MAN2A1: variants seen among roughly 807,000 people sequenced by gnomAD.
MAN2A1 encodes the protein mannosidase alpha class 2A member 1, also known as alpha-mannosidase 2.
Under a neutral mutation model 142.6 loss-of-function variants are expected in MAN2A1, and 76 were observed. The observed-to-expected ratio is 0.53, with a 90% CI of 0.44 to 0.65. The LOEUF is 0.65. Ranked by LOEUF, MAN2A1 falls within the 30% of genes least tolerant of loss-of-function variation. The pLI is 0.00. For missense variants in MAN2A1, 1,311 were observed against 1,365.1 expected, an observed-to-expected ratio of 0.96 and a Z score of 0.62; for synonymous variants, 559 against 473.2, an observed-to-expected ratio of 1.18 and a Z score of -2.35.
chr5:109,781,256 T>G (rs1753447814), intron 8 of MAN2A1, 140 bp from the exon 9 acceptor site: 1 of 532,596 alleles, frequency 1.9e-6, no homozygotes, highest in Admixed American at 3.7e-5. Context: ...CTGCTTCTGA[T>G]TTTTATAAAA....
At position 109,817,092 on chromosome 5, in the gene MAN2A1, G is replaced by A. The variant is rs573777303; in HGVS notation, c.1944-181G>A. Among the ~76,000 whole-genome samples the A allele has an allele frequency of 2.6e-5, 4 of 152,266 alleles. No homozygotes were observed. The East Asian group carries it at 7.7e-4, about 29-fold the overall frequency. ...GAGGTGGGAGGATTGCTTGAGCCCA[G>A]GAGGTTGAGACTGCAGTGAGCTATA... On this transcript the variant is annotated intron_variant, in intron 12 of 21. Transcript: ENST00000261483.
At chr5:109,811,134 A>C (rs1754305806) in intron 12 of MAN2A1, among the ~76,000 whole-genome samples, 2 of 151,792 alleles carry the variant, frequency 1.3e-5, no homozygotes, top group African/African-American at 4.8e-5. Flanking sequence ...CACAGATTAT[A>C]TATTTATTTT....
At chr5:109,776,189 T>C (rs1753286811) in intron 8 of MAN2A1, among the ~76,000 whole-genome samples, 1 of 151,928 alleles carries the variant, frequency 6.6e-6, no homozygotes, top group African/African-American at 2.4e-5. Flanking sequence ...GAAAATACTA[T>C]AGAAAGGAAG....
intron 7 of MAN2A1, 87 bp downstream of exon 7, chr5:109,770,628 T>C: frequency 8.5e-7 from 1 of 1,175,688 alleles, no homozygotes. Context: ...CAAATGGGCT[T>C]TATTAGCCAA....
intron 16 of MAN2A1, among the ~76,000 whole-genome samples, chr5:109,830,879 T>C (rs893011413): frequency 3.3e-5 from 5 of 152,202 alleles, no homozygotes; most frequent in Admixed American, 3.3e-4. Context: ...CACATTCTGG[T>C]TACACAGATT....
intron 12 of MAN2A1, among the ~76,000 whole-genome samples, chr5:109,796,702 G>C (rs1308174921): frequency 1.3e-5 from 2 of 152,178 alleles, no homozygotes; most frequent in African/African-American, 2.4e-5. Context: ...CCTTCCCTTT[G>C]TTCAGAATCA....
chr5:109,721,539 T>G (rs992039791), intron 3 of MAN2A1, among the ~76,000 whole-genome samples: 2 of 152,212 alleles, frequency 1.3e-5, no homozygotes. Flanking sequence ...TATCTGAAAT[T>G]CAGATTCAAC....
intron 4 of MAN2A1, among the ~76,000 whole-genome samples, chr5:109,754,139 T>C (rs1338544894): frequency 6.6e-6 from 1 of 152,066 alleles, no homozygotes; most frequent in Non-Finnish European, 1.5e-5. Flanking sequence ...CTAGAATTCC[T>C]TACCTCAAGC....
chr5:109,863,049 A>C (rs1755795102), intron 20 of MAN2A1: 1 of 152,178 alleles, frequency 6.6e-6, no homozygotes, highest in Admixed American at 6.5e-5. Context: ...TCATTATTCC[A>C]AGAGCAAATG....
rs370222340 is a variant in MAN2A1, at chr5:109,726,961, C to T, written c.536-2381C>T. Among the ~76,000 whole-genome samples the T allele has an allele frequency of 3.9e-5, 6 of 152,064 alleles. No individual in the cohort carries two copies. The South Asian group carries it at 8.3e-4, about 21-fold the overall frequency. On this transcript the variant is annotated intron_variant, in intron 3 of 21. Coordinates refer to ENST00000261483, the MANE Select transcript of MAN2A1 (RefSeq NM_002372.4). ...ATAGAACCATTTCATTTACATGGTC[C>T]TTGTTGCACGTGTATAATAAAAGCA...
In MAN2A1 at chr5:109,770,283, A is replaced by G. The variant is rs1753108553; in HGVS notation, c.1010-72A>G. The G allele has an allele frequency of 1.4e-5, 19 of 1,380,778 alleles. No homozygotes were observed. In the South Asian group the frequency reaches 2.1e-4, roughly 16 times the overall value. The allele number at this position is 1,380,778 out of a possible 1,614,324, so 85.5% of individuals were successfully genotyped here. A position where few individuals can be genotyped will look rare whatever the true frequency, so the allele number is the denominator to read the frequency against. Reference sequence around the variant, plus strand: ...AATCAGCATTACTTTGTGTAAAGTAATGACATTTTGAATATTTTTTGGGAA... The same window carrying G: ...AATCAGCATTACTTTGTGTAAAGTAGTGACATTTTGAATATTTTTTGGGAA... On this transcript the variant is annotated intron_variant, in intron 6 of 21. Coordinates refer to ENST00000261483, the MANE Select transcript of MAN2A1 (RefSeq NM_002372.4).
chr5:109,847,619 T>A (rs1174433260), intron 18 of MAN2A1, 38 bp from the exon 19 acceptor site: 1 of 1,445,094 alleles, frequency 6.9e-7, no homozygotes, highest in Admixed American at 2.7e-5. Context: ...ATTAAATTAT[T>A]CTGGTCAGTT....
At chr5:109,850,635 A>G (rs1216919897) in intron 19 of MAN2A1, among the ~76,000 whole-genome samples, 4 of 152,186 alleles carry the variant, frequency 2.6e-5, no homozygotes, top group African/African-American at 9.6e-5. Flanking sequence ...TCCTCCTGAA[A>G]AAGTTTCTCG....
rs188431251 is a variant in MAN2A1 at position 109,844,760 on chromosome 5, G to T, written c.2701-1105G>T. On this transcript the variant is annotated intron_variant, in intron 17 of 21. Coordinates refer to ENST00000261483, the MANE Select transcript of MAN2A1 (RefSeq NM_002372.4). Reference sequence around the variant, plus strand: ...CCATCTCTACCTCTTTTGTCATACAGCGTTCTCCCTATGCCTCTTGTATCT... The same window carrying T: ...CCATCTCTACCTCTTTTGTCATACATCGTTCTCCCTATGCCTCTTGTATCT... 9.9e-5 allele frequency among the ~76,000 whole-genome samples: 15 copies of T among 152,250 alleles called. No individual in the cohort carries two copies. The East Asian group carries it at 2.1e-3, about 22-fold the overall frequency.
intron 19 of MAN2A1, chr5:109,853,967 T>G (rs1285057200): frequency 1.3e-5 from 2 of 152,186 alleles, no homozygotes; most frequent in African/African-American, 2.4e-5. Context: ...CATCTAATGT[T>G]AGCTTCTGGC....
intron 4 of MAN2A1, among the ~76,000 whole-genome samples, chr5:109,729,738 A>G (rs1751847928): frequency 6.6e-6 from 1 of 152,140 alleles, no homozygotes; most frequent in Non-Finnish European, 1.5e-5. Context: ...TACTGCTGTA[A>G]TCCTAGCACT....
chr5:109,704,567 C>T (rs969399897), intron 1 of MAN2A1, among the ~76,000 whole-genome samples: 3 of 152,126 alleles, frequency 2.0e-5, no homozygotes, highest in African/African-American at 4.8e-5. Flanking sequence ...TTTTTGGCCT[C>T]AGCACTACAC....
rs79184317 is a variant in MAN2A1, at chr5:109,767,338, C to T, written c.836-197C>T. Among the ~76,000 whole-genome samples the T allele has an allele frequency of 3.1e-3, 468 of 152,240 alleles. 2 individuals are homozygous for T. The highest frequency in any genetic ancestry group is 0.01 in the African/African-American group (430 of 41,548). ...ATTAATTTCAGTGAGCATCCTCTGC[C>T]TATGTGGATAGGCAGTGGCACAATC... On this transcript the variant is annotated intron_variant, in intron 5 of 21. Coordinates refer to ENST00000261483, the MANE Select transcript of MAN2A1 (RefSeq NM_002372.4).
intron 5 of MAN2A1, among the ~76,000 whole-genome samples, chr5:109,764,892 A>G (rs1374406705): frequency 6.6e-6 from 1 of 152,146 alleles, no homozygotes; most frequent in South Asian, 2.1e-4. Flanking sequence ...AAGTGGCATC[A>G]TAGTACTTGG....
Sources: gnomAD v4.1 joint callset for allele counts (sites outside exome capture counted in the v4.1 genomes callset) on GRCh38, gnomAD v4.1.1 for gene constraint, MANE v1.5 for transcripts, NCBI Gene and HGNC (gene_info 2026-07-23, HGNC 2026-07-21) for gene names.